PSAP: variants seen among roughly 807,000 people sequenced by gnomAD.
The protein encoded by PSAP is prosaposin.
PSAP carries 25 observed loss-of-function variants against 66.0 expected under a neutral mutation model. That is an observed-to-expected ratio of 0.38 (90% CI 0.28 to 0.53). PSAP has a LOEUF of 0.53. Ranked by LOEUF, PSAP falls within the 20% of genes least tolerant of loss-of-function variation. PSAP has a pLI of 0.83. For missense variants in PSAP, 649 were observed against 668.8 expected (o/e 0.97, Z 0.33); for synonymous variants, 273 against 258.9 (o/e 1.05, Z -0.52).
At chr10:71,828,623 T>A (rs532869842) in intron 5 of PSAP, among the ~76,000 whole-genome samples, 11 of 152,284 alleles carry the variant, frequency 7.2e-5, no homozygotes, top group African/African-American at 2.6e-4. Context: ...CCAGCTTGGG[T>A]GACAGAACGA....
At chr10:71,820,202 G>A (rs761637055) in intron 9 of PSAP, 38 bp downstream of exon 9, 29 of 1,545,634 alleles carry the variant, frequency 1.9e-5, no homozygotes, top group Non-Finnish European at 2.4e-5. Context: ...GCTCGGGGGG[G>A]CAGGAGAGGC....
chr10:71,833,039 C>CAAAAAAAA (rs1273324060), intron 2 of PSAP, among the ~76,000 whole-genome samples: 1 of 95,012 alleles, frequency 1.1e-5, no homozygotes, highest in Non-Finnish European at 2.1e-5. Context: ...AAACAAAAAA[C>CAAAAAAAA]AAAAACAGAA....
At chr10:71,822,177 C>T (rs1564816650) in intron 7 of PSAP, 170 bp from the exon 8 acceptor site, 9 of 847,396 alleles carry the variant, frequency 1.1e-5, no homozygotes, top group Non-Finnish European at 1.7e-5. Context: ...TTAAAGGGCT[C>T]GTGTCTGAAG....
chr10:71,818,850 C>T (rs1189672797), intron 12 of PSAP, 126 bp from the exon 13 acceptor site: 2 of 1,050,002 alleles, frequency 1.9e-6, no homozygotes, highest in Non-Finnish European at 2.9e-6. Context: ...TCTTTCAGAA[C>T]ATCAGGGTTG....
intron 4 of PSAP, among the ~76,000 whole-genome samples, chr10:71,829,996 C>CA (rs920806777): frequency 4.0e-5 from 6 of 151,798 alleles, no homozygotes; most frequent in East Asian, 1.9e-4. Flanking sequence ...GACTCAGTCT[C>CA]AAAAAAATAA....
rs1260438975 is a variant in PSAP at position 71,843,191 on chromosome 10, T to C, written c.40+7991A>G. ...CCGAATGCACAGAGAGGAAGCCCCA[T>C]GGGTTACCCAGGGAGGAAGATGTTC... On this transcript the variant is annotated intron_variant, in intron 1 of 13. Coordinates refer to ENST00000394936, the MANE Select transcript of PSAP (RefSeq NM_002778.4). Among the ~76,000 whole-genome samples the C allele has an allele frequency of 3.9e-5, 6 of 152,118 alleles. No homozygotes were observed. The East Asian group carries it at 1.2e-3, about 29-fold the overall frequency.
chr10:71,832,069 C>T lies in PSAP; in HGVS notation c.175-149G>A. On this transcript the variant is annotated intron_variant, in intron 2 of 13. Transcript: ENST00000394936. The stretch of plus-strand genomic sequence containing the variant: ...TGTCACATCCTGGTTCTCCACCCTG[C>T]ATGAGCAGCGCTGGGGCACGGCAGG... 5.0e-6 allele frequency: 4 copies of T among 803,324 alleles called. No individual in the cohort carries two copies. The South Asian group carries it at 5.7e-5, about 11-fold the overall frequency. The allele number at this position is 803,324 out of a possible 1,614,324, so 49.8% of individuals were successfully genotyped here. A position where few individuals can be genotyped will look rare whatever the true frequency, so the allele number is the denominator to read the frequency against.
intron 1 of PSAP, among the ~76,000 whole-genome samples, chr10:71,835,756 A>G (rs1428831708): frequency 6.6e-6 from 1 of 151,412 alleles, no homozygotes; most frequent in Non-Finnish European, 1.5e-5. Flanking sequence ...TCAAACTCCA[A>G]CAGGCATCTC....
At chr10:71,821,293 G>C (rs1842296559) in intron 8 of PSAP, among the ~76,000 whole-genome samples, 1 of 152,246 alleles carries the variant, frequency 6.6e-6, no homozygotes, top group Non-Finnish European at 1.5e-5. Context: ...TGAAGAACTA[G>C]AATGTAAGCC....
At chr10:71,824,552 C>G (rs1256045540) in intron 7 of PSAP, among the ~76,000 whole-genome samples, 1 of 152,170 alleles carries the variant, frequency 6.6e-6, no homozygotes, top group African/African-American at 2.4e-5. Flanking sequence ...AACCTGAAAA[C>G]AACCTAGATA....
At chr10:71,829,954 G>A (rs753971853) in intron 4 of PSAP, among the ~76,000 whole-genome samples, 26 of 152,136 alleles carry the variant, frequency 1.7e-4, no homozygotes, top group Middle Eastern at 3.4e-3. Context: ...TCAAGATCGC[G>A]CCATTGCACT....
chr10:71,823,226 C>T (rs1438066049), intron 7 of PSAP, among the ~76,000 whole-genome samples: 4 of 152,122 alleles, frequency 2.6e-5, no homozygotes, highest in South Asian at 2.1e-4. Context: ...AGGACGGCCC[C>T]GAAGGACACT....
rs1285370323 is a variant in PSAP at position 71,828,985 on chromosome 10, G to A, written c.468C>T (p.Ser156=). ...AELNHQKQLE[S]NKIPELDMTE... ...TCATGTCCAGCTCTGGGATCTTATT[G>A]GACTCCAGCTGCTTCTGGTGATTCA... The change falls in exon 5 of 14, where the codon TCC becomes TCT. Residue 156 remains serine, a synonymous_variant. Coordinates refer to ENST00000394936, the MANE Select transcript of PSAP (RefSeq NM_002778.4). 6.2e-7 allele frequency: 1 copy of A among 1,614,116 alleles called. No homozygotes were observed.
rs994437994 is a variant in PSAP, at chr10:71,851,087, G to A, written c.40+95C>T. ...GCGCGCCCCCTTGCCAACTAGGGCA[G>A]GGGGAGCAGAGGGGCCAGGCCCGGC... is the stretch of plus-strand genomic sequence containing the variant. On this transcript the variant is annotated intron_variant, in intron 1 of 13. Coordinates refer to ENST00000394936, the MANE Select transcript of PSAP (RefSeq NM_002778.4). The A allele has an allele frequency of 5.6e-6, 8 of 1,416,546 alleles. No homozygotes were observed. The Admixed American group carries it at 7.9e-5, about 14-fold the overall frequency. The allele number at this position is 1,416,546 out of a possible 1,614,324, so 87.7% of individuals were successfully genotyped here.
chr10:71,834,544 T>C, intron 1 of PSAP, 39 bp from the exon 2 acceptor site: 2 of 1,610,102 alleles, frequency 1.2e-6, no homozygotes, highest in East Asian at 2.2e-5. Flanking sequence ...GCCCATTTTG[T>C]AGCAAACCAG....
Position 71,820,196 on chromosome 10 carries a change from G to GA in PSAP, c.1005+43_1005+44insT, listed in dbSNP as rs764544758. On this transcript the variant is annotated intron_variant, in intron 9 of 13. Transcript: ENST00000394936. ...CTTTCCCACTGGGACATTCAGGCTC[G>GA]GGGGGGCAGGAGAGGCCCTCCCTCT... The GA allele has an allele frequency of 9.9e-6, 15 of 1,517,276 alleles. No individual in the cohort carries two copies. In the Admixed American group the frequency reaches 2.5e-4, roughly 25 times the overall value. 94.0% of individuals were successfully genotyped at this position (1,517,276 alleles called of 1,614,324 possible). A position where few individuals can be genotyped will look rare whatever the true frequency, so the allele number is the denominator to read the frequency against.
chr10:71,820,366 A>G (rs1049308740), intron 8 of PSAP, 31 bp from the exon 9 acceptor site: 3 of 1,574,746 alleles, frequency 1.9e-6, no homozygotes, highest in Admixed American at 3.3e-5. Flanking sequence ...GAGTACTTTC[A>G]ATGCTGGGAC....
At position 71,819,702 on chromosome 10, in the gene PSAP, C is replaced by T; in HGVS notation, c.1192+12G>A. 1 of 1,614,102 alleles carries T rather than the reference C, an allele frequency of 6.2e-7. No homozygotes were observed. The highest frequency in any genetic ancestry group is 1.1e-5 in the South Asian group (1 of 91,082). On this transcript the variant is annotated intron_variant, in intron 10 of 13. Coordinates refer to ENST00000394936, the MANE Select transcript of PSAP (RefSeq NM_002778.4). ...GGGCACCATCCTCTCCCGCACCACA[C>T]CCAGCGCTCACCGGTCAGTGCAGGC...
chr10:71,816,777 C>A lies in PSAP; in HGVS notation c.*664G>T. ...TCTTCCCACCCAAACCCACAGAACC[C>A]CAAACAAGGCATCACCAGGAAAGAC... On this transcript the variant is annotated 3_prime_UTR_variant, in exon 14 of 14. Coordinates refer to ENST00000394936, the MANE Select transcript of PSAP (RefSeq NM_002778.4). 4.5e-6 allele frequency: 1 copy of A among 221,676 alleles called. No homozygotes were observed. Among genetic ancestry groups the A allele is most frequent in the South Asian group, 6.1e-5 (1 of 16,510 alleles). The allele number at this position is 221,676 out of a possible 1,614,324, so 13.7% of individuals were successfully genotyped here.
Sources: allele counts gnomAD v4.1 joint callset (sites outside exome capture counted in the v4.1 genomes callset), GRCh38; gene constraint gnomAD v4.1.1; transcripts MANE v1.5; gene names NCBI Gene and HGNC (gene_info 2026-07-23, HGNC 2026-07-21).